Variants in NFIC observed in about 807,000 individuals in gnomAD.
NFIC encodes the protein nuclear factor 1 C-type.
A neutral mutation model predicts 54.4 loss-of-function variants in NFIC; 12 were observed. That is an observed-to-expected ratio of 0.22 (90% CI 0.14 to 0.36). The LOEUF is 0.36. Among genes scored for constraint, NFIC ranks in the 10% least tolerant of loss-of-function variants. NFIC has a pLI of 1.00. For synonymous variants in NFIC, 322 were observed against 319.2 expected, an observed-to-expected ratio of 1.01 and a Z score of -0.09; for missense variants, 575 against 718.2, an observed-to-expected ratio of 0.80 and a Z score of 2.28.
intron 6 of NFIC, among the ~76,000 whole-genome samples, chr19:3,443,244 A>G (rs1369018038): frequency 6.6e-6 from 1 of 152,100 alleles, no homozygotes; most frequent in Non-Finnish European, 1.5e-5. Context: ...TAACATAGGG[A>G]AACCCTGTCT....
At position 3,463,435 on chromosome 19, in the gene NFIC, C is replaced by T. The variant is rs1389583153; in HGVS notation, c.*666C>T. On this transcript the variant is annotated 3_prime_UTR_variant, in exon 11 of 11. Coordinates refer to ENST00000443272, the MANE Select transcript of NFIC (RefSeq NM_001245002.2). ...GTGTCGCGGGGGTGCGTGGCGCTTG[C>T]GAGCCCTGGCCAGGGGAGGAAGTGA... 4 of 985,402 alleles carry T rather than the reference C, an allele frequency of 4.1e-6. No homozygotes were observed. The highest frequency in any genetic ancestry group is 4.8e-6 in the Non-Finnish European group (4 of 830,006). The allele number at this position is 985,402 out of a possible 1,614,324, so 61.0% of individuals were successfully genotyped here.
intron 2 of NFIC, among the ~76,000 whole-genome samples, chr19:3,399,366 C>T (rs1388724290): frequency 1.3e-5 from 2 of 151,920 alleles, no homozygotes; most frequent in Non-Finnish European, 2.9e-5. Flanking sequence ...CACTTGAGGC[C>T]AGGAGTTCAA....
At chr19:3,366,547 T>TGGGGGGGGGGGGGG (rs1297245047), upstream of NFIC, 8 of 353,476 alleles carry the variant, frequency 2.3e-5, no homozygotes, top group South Asian at 2.0e-4. Context: ...GGGGGGGGGT[T>TGGGGGGGGGGGGGG]GGGGGGGGCG....
At position 3,369,575 on chromosome 19, in the gene NFIC, G is replaced by C. The variant is rs540330373; in HGVS notation, c.30+2909G>C. On this transcript the variant is annotated intron_variant, in intron 1 of 10. Transcript: ENST00000443272. The surrounding 1 kb of genome is among the most constrained non-coding windows in gnomAD (Gnocchi z 4.3). ...GCCACCCGGGCCCGGCCCGCCGAGT[G>C]GGGAGTGGGTGCTGGCGGCCCTGGG... Among the ~76,000 whole-genome samples, 1 of 152,314 alleles carries C rather than the reference G, an allele frequency of 6.6e-6. No homozygotes were observed. The highest frequency in any genetic ancestry group is 2.1e-4 in the South Asian group (1 of 4,830).
At chr19:3,418,539 G>A (rs1453365807) in intron 2 of NFIC, among the ~76,000 whole-genome samples, 2 of 152,130 alleles carry the variant, frequency 1.3e-5, no homozygotes, top group African/African-American at 4.8e-5. Flanking sequence ...ACTATTCCCA[G>A]GTTTTAGAGA....
In NFIC at chr19:3,464,231, A is replaced by G; in HGVS notation, c.*1462A>G. 2 of 985,128 alleles carry G rather than the reference A, an allele frequency of 2.0e-6. No homozygotes were observed. Among genetic ancestry groups the G allele is most frequent in the Non-Finnish European group, 2.4e-6 (2 of 829,846 alleles). The allele number at this position is 985,128 out of a possible 1,614,324, so 61.0% of individuals were successfully genotyped here. On this transcript the variant is annotated 3_prime_UTR_variant, in exon 11 of 11. Coordinates refer to ENST00000443272, the MANE Select transcript of NFIC (RefSeq NM_001245002.2). ...CATCACGGCTGGGCCCCCAGAGGAGAGAGGAGGCCGACGCCAGCGGTCCCC... is the reference window on the plus strand; with the variant it reads ...CATCACGGCTGGGCCCCCAGAGGAGGGAGGAGGCCGACGCCAGCGGTCCCC...
chr19:3,359,858 C>G (rs1034979807), intron 1 of NFIC, among the ~76,000 whole-genome samples: 9 of 150,684 alleles, frequency 6.0e-5, no homozygotes, highest in African/African-American at 1.7e-4. Context: ...CCCACGATCC[C>G]CCCCCGCACC....
chr19:3,417,357 T>C (rs2081877992), intron 2 of NFIC, among the ~76,000 whole-genome samples: 1 of 152,156 alleles, frequency 6.6e-6, no homozygotes, highest in African/African-American at 2.4e-5. Flanking sequence ...AAATACGCTG[T>C]GCGCACTGGG....
In NFIC at chr19:3,463,480, C is replaced by G. The variant is rs1194620716; in HGVS notation, c.*711C>G. ...AAGTGAGGCCCAGGCACCTGCTGCC[C>G]CTCGAGGGGGCCCTGCCTGCCGCGG... On this transcript the variant is annotated 3_prime_UTR_variant, in exon 11 of 11. Coordinates refer to ENST00000443272, the MANE Select transcript of NFIC (RefSeq NM_001245002.2). 1.0e-6 allele frequency: 1 copy of G among 985,412 alleles called. No individual in the cohort carries two copies. The highest frequency in any genetic ancestry group is 1.1e-4 in the East Asian group (1 of 8,782). The allele number at this position is 985,412 out of a possible 1,614,324, so 61.0% of individuals were successfully genotyped here. A position where few individuals can be genotyped will look rare whatever the true frequency, so the allele number is the denominator to read the frequency against.
At chr19:3,451,209 C>G (rs929428421) in intron 7 of NFIC, among the ~76,000 whole-genome samples, 1 of 152,198 alleles carries the variant, frequency 6.6e-6, no homozygotes, top group South Asian at 2.1e-4. Context: ...AAAGGCCACA[C>G]AGCATGTGAT....
chr19:3,464,526 G>GGCCCCCCCCCCCCCCCC lies in NFIC; in HGVS notation c.*1757_*1758insGCCCCCCCCCCCCCCCC. The GGCCCCCCCCCCCCCCCC allele has an allele frequency of 1.1e-6, 1 of 935,196 alleles. No homozygotes were observed. The highest frequency in any genetic ancestry group is 1.3e-6 in the Non-Finnish European group (1 of 799,368). The allele number at this position is 935,196 out of a possible 1,614,324, so 57.9% of individuals were successfully genotyped here. The stretch of plus-strand genomic sequence containing the variant: ...GCTCAAACACAAGGACCCCTCCCCG[G>GGCCCCCCCCCCCCCCCC]CCCACCCAGCCCAGCCCCAACTGAC... On this transcript the variant is annotated 3_prime_UTR_variant, in exon 11 of 11. Coordinates refer to ENST00000443272, the MANE Select transcript of NFIC (RefSeq NM_001245002.2).
Position 3,463,199 on chromosome 19 carries a change from C to T in NFIC, c.*430C>T. Reference sequence around the variant, plus strand: ...CGGAGGCCCTGGCTCTGTCCGGAGACCAGGTGAGCACAGCCTGGAGCCTGT... The same window carrying T: ...CGGAGGCCCTGGCTCTGTCCGGAGATCAGGTGAGCACAGCCTGGAGCCTGT... On this transcript the variant is annotated 3_prime_UTR_variant, in exon 11 of 11. Coordinates refer to ENST00000443272, the MANE Select transcript of NFIC (RefSeq NM_001245002.2). The T allele has an allele frequency of 1.9e-6, 2 of 1,034,256 alleles. No individual in the cohort carries two copies. The highest frequency in any genetic ancestry group is 2.3e-6 in the Non-Finnish European group (2 of 861,920). The allele number at this position is 1,034,256 out of a possible 1,614,324, so 64.1% of individuals were successfully genotyped here.
At position 3,458,029 on chromosome 19, in the gene NFIC, G is replaced by A. The variant is rs1352917252; in HGVS notation, c.1509+1394G>A. On this transcript the variant is annotated intron_variant, in intron 10 of 10. Transcript: ENST00000443272. The surrounding 1 kb of genome is among the most constrained non-coding windows in gnomAD (Gnocchi z 4.1). Reference sequence around the variant, plus strand: ...GCTGGCTCACCCACTCTGAACCTCTGTCTCTTCCTCTGGCCTTGGGCACCC... The same window carrying A: ...GCTGGCTCACCCACTCTGAACCTCTATCTCTTCCTCTGGCCTTGGGCACCC... 6.6e-6 allele frequency: 1 copy of A among 152,334 alleles called. No individual in the cohort carries two copies. The highest frequency in any genetic ancestry group is 1.5e-5 in the Non-Finnish European group (1 of 68,144). 9.4% of individuals were successfully genotyped at this position (152,334 alleles called of 1,614,324 possible). A position where few individuals can be genotyped will look rare whatever the true frequency, so the allele number is the denominator to read the frequency against.
chr19:3,366,253 T>G (rs2080879910), upstream of NFIC, among the ~76,000 whole-genome samples: 1 of 140,642 alleles, frequency 7.1e-6, no homozygotes, highest in Non-Finnish European at 1.5e-5. Flanking sequence ...AGCGGGGGGG[T>G]CCTGAGACGT....
At chr19:3,450,050 G>T (rs2082435637) in intron 7 of NFIC, among the ~76,000 whole-genome samples, 1 of 151,048 alleles carries the variant, frequency 6.6e-6, no homozygotes, top group African/African-American at 2.4e-5. Flanking sequence ...GCAAGACCCT[G>T]TCTCCAAAAA....
At chr19:3,447,009 A>G (rs1285452596) in intron 6 of NFIC, among the ~76,000 whole-genome samples, 1 of 150,824 alleles carries the variant, frequency 6.6e-6, no homozygotes, top group Non-Finnish European at 1.5e-5. Context: ...CTGGGTGACA[A>G]ATAACTCGGC....
intron 2 of NFIC, among the ~76,000 whole-genome samples, chr19:3,421,796 A>G (rs2081957933): frequency 6.6e-6 from 1 of 152,136 alleles, no homozygotes. Context: ...TTATTTTTTT[A>G]AAACAAGGTC....
intron 1 of NFIC, among the ~76,000 whole-genome samples, chr19:3,368,750 G>T (rs2080942437): frequency 6.6e-6 from 1 of 152,224 alleles, no homozygotes. Flanking sequence ...TAGCCAGTGG[G>T]GTGGGCTGGG....
At chr19:3,392,638 T>C (rs1379155027) in intron 2 of NFIC, among the ~76,000 whole-genome samples, 2 of 152,178 alleles carry the variant, frequency 1.3e-5, no homozygotes, top group African/African-American at 4.8e-5. Context: ...CCGTTATGGC[T>C]GGGCTGCAGT....
Sources: gnomAD v4.1 joint callset for allele counts (sites outside exome capture counted in the v4.1 genomes callset) on GRCh38, gnomAD v4.1.1 for gene constraint, Gnocchi (gnomAD v3.1) non-coding constraint, MANE v1.5 for transcripts, NCBI Gene and HGNC (gene_info 2026-07-23, HGNC 2026-07-21) for gene names.